The following ENKUR variants were observed in gnomAD, a reference collection of about 807,000 sequenced individuals.
ENKUR encodes enkurin.
Under a neutral mutation model 27.6 loss-of-function variants are expected in ENKUR, and 19 were observed. The observed-to-expected ratio is 0.69, with a 90% confidence interval of 0.48 to 1.01. ENKUR has a LOEUF of 1.01. Among genes scored for constraint, ENKUR ranks in the 50% least tolerant of loss-of-function variants. ENKUR has a pLI of 0.00. For missense variants in ENKUR, 312 were observed against 310.5 expected, an observed-to-expected ratio of 1.00 and a Z score of -0.04; for synonymous variants, 117 against 96.9, an observed-to-expected ratio of 1.21 and a Z score of -1.22.
intron 2 of ENKUR, chr10:25,023,995 G>A: frequency 6.2e-7 from 1 of 1,614,194 alleles, no homozygotes; most frequent in Non-Finnish European, 8.5e-7. Context: ...TGTAATTGAG[G>A]GGTTGGCTTC....
intron 2 of ENKUR, among the ~76,000 whole-genome samples, chr10:25,044,422 C>T (rs146411398): frequency 6.6e-5 from 10 of 152,020 alleles, no homozygotes; most frequent in South Asian, 2.1e-4. Flanking sequence ...TTAGAGATAG[C>T]GTTTCACTCG....
chr10:25,005,467 T>C (rs1470359948), intron 1 of ENKUR, among the ~76,000 whole-genome samples: 6 of 152,212 alleles, frequency 3.9e-5, no homozygotes, highest in Non-Finnish European at 8.8e-5. Context: ...ATTGAGATTT[T>C]TTTTTCCTCT....
At chr10:25,048,435 AG>A (rs1851145413) in intron 2 of ENKUR, among the ~76,000 whole-genome samples, 1 of 152,050 alleles carries the variant, frequency 6.6e-6, no homozygotes, top group Admixed American at 6.6e-5. Flanking sequence ...AAGTCTCATT[AG>A]GTGTAGAAAG....
At chr10:25,059,426 C>G (rs573504838) in intron 2 of ENKUR, among the ~76,000 whole-genome samples, 3 of 152,254 alleles carry the variant, frequency 2.0e-5, no homozygotes, top group Admixed American at 2.0e-4. Flanking sequence ...GCCACTGCAC[C>G]CAGCCTTGTC....
upstream of ENKUR, among the ~76,000 whole-genome samples, chr10:25,017,074 G>A (rs954206397): frequency 6.6e-6 from 1 of 152,172 alleles, no homozygotes; most frequent in Non-Finnish European, 1.5e-5. Context: ...GGTCGGCTCT[G>A]CGCCTGCTCT....
chr10:24,987,699 T>G (rs1849809910), intron 4 of ENKUR, among the ~76,000 whole-genome samples: 1 of 152,180 alleles, frequency 6.6e-6, no homozygotes, highest in Admixed American at 6.5e-5. Context: ...TTACCTCCTC[T>G]GCAAGTATGT....
intron 2 of ENKUR, among the ~76,000 whole-genome samples, chr10:25,050,444 T>C (rs149207584): frequency 0.011 from 1,694 of 152,290 alleles, 20 homozygotes; most frequent in Middle Eastern, 0.054. Flanking sequence ...TCTTGCATGG[T>C]GGCAGGCAAG....
At chr10:25,048,304 G>A (rs1292048391) in intron 2 of ENKUR, among the ~76,000 whole-genome samples, 1 of 152,036 alleles carries the variant, frequency 6.6e-6, no homozygotes, top group Non-Finnish European at 1.5e-5. Context: ...TTAGCCTTGG[G>A]TTATAGGGGC....
chr10:25,040,562 C>CA (rs34627689), intron 2 of ENKUR, among the ~76,000 whole-genome samples: 2 of 151,062 alleles, frequency 1.3e-5, no homozygotes, highest in East Asian at 2.0e-4. Context: ...TCAGTAGAAA[C>CA]GGTTTCACCG....
intron 2 of ENKUR, among the ~76,000 whole-genome samples, chr10:24,996,170 G>A (rs73608211): frequency 0.029 from 4,464 of 152,258 alleles, 142 homozygotes; most frequent in African/African-American, 0.078. Context: ...TGAGGAGGCC[G>A]GGCACGGTGG....
intron 2 of ENKUR, among the ~76,000 whole-genome samples, chr10:25,054,461 C>CTTTCTT (rs1824609125): frequency 3.0e-5 from 2 of 67,306 alleles, no homozygotes; most frequent in Non-Finnish European, 6.1e-5. Context: ...TTTCTCTTTT[C>CTTTCTT]TTTCTTTCTT....
At chr10:25,026,808 TAAGC>T (rs1463931325) in intron 2 of ENKUR, 4 of 152,514 alleles carry the variant, frequency 2.6e-5, no homozygotes, top group Admixed American at 6.5e-5. Context: ...AATAGTTTAA[TAAGC>T]AAGAGAAATT....
upstream of ENKUR, among the ~76,000 whole-genome samples, chr10:25,019,719 A>G (rs1850679845): frequency 6.6e-6 from 1 of 152,220 alleles, no homozygotes; most frequent in African/African-American, 2.4e-5. Context: ...CTAATTATCC[A>G]ATATCCCTCT....
intron 2 of ENKUR, among the ~76,000 whole-genome samples, chr10:24,999,009 T>C (rs371488279): frequency 7.2e-5 from 11 of 152,244 alleles, no homozygotes; most frequent in South Asian, 6.2e-4. Context: ...GTAGTAATGG[T>C]TGTAATTTTC....
In ENKUR at chr10:25,015,892, G is replaced by T. The variant is rs754845523; in HGVS notation, c.45C>A (p.Pro15=). The part of the protein sequence containing the change: ...CSSECIYNLI[P]SDLKEPPQPP... ...GCTGGGGAGGCTCCTTCAAGTCACTGGGTATGAGGTTATAAATGCACTCAG... is the reference window on the plus strand; with the variant it reads ...GCTGGGGAGGCTCCTTCAAGTCACTTGGTATGAGGTTATAAATGCACTCAG... The change falls in exon 1 of 6, where the codon CCC becomes CCA. Residue 15 remains proline (P), a synonymous_variant. Transcript: ENST00000331161. The T allele has an allele frequency of 1.0e-4, 161 of 1,607,112 alleles. No individual in the cohort carries two copies. Among genetic ancestry groups the T allele is most frequent in the Non-Finnish European group, 8.9e-5 (105 of 1,176,604 alleles).
intron 2 of ENKUR, among the ~76,000 whole-genome samples, chr10:25,029,226 ATC>A (rs1380650351): frequency 6.6e-6 from 1 of 152,330 alleles, no homozygotes; most frequent in South Asian, 2.1e-4. Context: ...AACATTAAAA[ATC>A]TATGAGTTTA....
intron 2 of ENKUR, among the ~76,000 whole-genome samples, chr10:25,040,234 A>G (rs2130469698): frequency 6.6e-6 from 1 of 152,300 alleles, no homozygotes; most frequent in African/African-American, 2.4e-5. Flanking sequence ...AAGGCCAGCT[A>G]GATTCAAGGT....
At chr10:25,034,555 C>T (rs1236996628) in intron 2 of ENKUR, among the ~76,000 whole-genome samples, 1 of 152,092 alleles carries the variant, frequency 6.6e-6, no homozygotes, top group Non-Finnish European at 1.5e-5. Context: ...ATTTTACTTG[C>T]CCTCGATATT....
upstream of ENKUR, among the ~76,000 whole-genome samples, chr10:25,018,550 T>A (rs1293774742): frequency 1.3e-5 from 2 of 152,168 alleles, no homozygotes; most frequent in African/African-American, 4.8e-5. Context: ...GAAACTTGAT[T>A]TATGAAAATG....
Sources: gnomAD v4.1 joint callset for allele counts (sites outside exome capture counted in the v4.1 genomes callset) on GRCh38, gnomAD v4.1.1 for gene constraint, MANE v1.5 for transcripts, NCBI Gene and HGNC (gene_info 2026-07-23, HGNC 2026-07-21) for gene names.